RAB31: variants seen among roughly 807,000 people sequenced by gnomAD.
RAB31 encodes the protein ras-related protein Rab-31.
RAB31 carries 21 observed loss-of-function variants against 25.6 expected under a neutral mutation model. That is an observed-to-expected ratio of 0.82 (90% CI 0.58 to 1.18). RAB31 has a LOEUF of 1.18. Ranked by LOEUF, RAB31 falls within the 50% of genes most tolerant of loss-of-function variation. RAB31 has a pLI of 0.00. For missense variants in RAB31, 196 were observed against 250.1 expected (o/e 0.78, Z 1.46); for synonymous variants, 87 against 84.0 (o/e 1.04, Z -0.20).
intron 3 of RAB31, among the ~76,000 whole-genome samples, chr18:9,808,810 T>G (rs139637091): frequency 4.3e-4 from 66 of 152,332 alleles, no homozygotes; most frequent in African/African-American, 1.6e-3. Context: ...TGCCAGAGCA[T>G]TCTGGCTTGG....
chr18:9,755,715 G>A (rs992992907), intron 1 of RAB31, among the ~76,000 whole-genome samples: 1 of 152,222 alleles, frequency 6.6e-6, no homozygotes, highest in Non-Finnish European at 1.5e-5. Context: ...CCACATGTGA[G>A]GCTGTCTCTG....
chr18:9,753,846 G>A (rs1362233617), intron 1 of RAB31, among the ~76,000 whole-genome samples: 1 of 152,220 alleles, frequency 6.6e-6, no homozygotes, highest in Non-Finnish European at 1.5e-5. Flanking sequence ...AACCATGAAC[G>A]TGTTTGTGCT....
intron 5 of RAB31, among the ~76,000 whole-genome samples, chr18:9,824,347 T>C (rs2068639037): frequency 6.6e-6 from 1 of 151,374 alleles, no homozygotes; most frequent in Non-Finnish European, 1.5e-5. Context: ...AATGTGTGTG[T>C]AGATGTGTGT....
chr18:9,767,499 C>T (rs970084172), intron 1 of RAB31, among the ~76,000 whole-genome samples: 2 of 152,268 alleles, frequency 1.3e-5, no homozygotes, highest in African/African-American at 2.4e-5. Flanking sequence ...TGGTGGATGT[C>T]GTGAAGAGAG....
At chr18:9,741,284 G>A (rs1345658114) in intron 1 of RAB31, among the ~76,000 whole-genome samples, 2 of 147,886 alleles carry the variant, frequency 1.4e-5, no homozygotes, top group Admixed American at 6.9e-5. Context: ...GCTGAGGCAG[G>A]AGAATTGCTT....
Position 9,859,313 on chromosome 18 carries a change from C to A in RAB31, c.576C>A (p.Arg192=), listed in dbSNP as rs2068835434. ...AGAAGCCAACCATGCAAGCCAGCCG[C>A]CGGTGCTGTTGACCCAAGGGCCGTG... ...KVEKPTMQAS[R]RCC The change falls in exon 7 of 7, where the codon CGC becomes CGA. Residue 192 remains arginine, a synonymous_variant. Coordinates refer to ENST00000578921, the MANE Select transcript of RAB31 (RefSeq NM_006868.4). 2 of 1,612,676 alleles carry A rather than the reference C, an allele frequency of 1.2e-6. No individual in the cohort carries two copies. The highest frequency in any genetic ancestry group is 1.7e-6 in the Non-Finnish European group (2 of 1,178,742).
chr18:9,748,950 G>C (rs761363563), intron 1 of RAB31, among the ~76,000 whole-genome samples: 14 of 152,180 alleles, frequency 9.2e-5, no homozygotes, highest in Non-Finnish European at 1.9e-4. Flanking sequence ...GATTCAAATA[G>C]TATAGAAAGG....
intron 1 of RAB31, among the ~76,000 whole-genome samples, chr18:9,755,604 G>A (rs2068256779): frequency 6.6e-6 from 1 of 152,210 alleles, no homozygotes; most frequent in South Asian, 2.1e-4. Context: ...GCTCTTCTTG[G>A]GCTGGGGAAC....
At chr18:9,709,553 G>A (rs1465542635) in intron 1 of RAB31, among the ~76,000 whole-genome samples, 2 of 152,244 alleles carry the variant, frequency 1.3e-5, no homozygotes, top group Non-Finnish European at 2.9e-5. Context: ...AGCGTCTCTA[G>A]GCTTCCTCTA....
chr18:9,789,673 G>T (rs2068450416), intron 2 of RAB31, among the ~76,000 whole-genome samples: 1 of 152,114 alleles, frequency 6.6e-6, no homozygotes, highest in Non-Finnish European at 1.5e-5. Flanking sequence ...CTGGTTTTTT[G>T]AATTTTTTTT....
chr18:9,747,382 C>T (rs914086675), intron 1 of RAB31, among the ~76,000 whole-genome samples: 2 of 152,170 alleles, frequency 1.3e-5, no homozygotes, highest in Non-Finnish European at 2.9e-5. Flanking sequence ...AATTCTACTC[C>T]TAGGTATATG....
intron 3 of RAB31, among the ~76,000 whole-genome samples, chr18:9,807,846 C>G (rs1452780989): frequency 6.6e-6 from 1 of 152,036 alleles, no homozygotes; most frequent in East Asian, 1.9e-4. Context: ...GATATGGTGG[C>G]ACACACCTGT....
intron 6 of RAB31, among the ~76,000 whole-genome samples, chr18:9,855,034 C>T (rs775620217): frequency 3.2e-4 from 49 of 152,208 alleles, no homozygotes; most frequent in Non-Finnish European, 2.2e-4. Flanking sequence ...GGAGAATCAG[C>T]GCTTGCGCAG....
chr18:9,801,483 A>G (rs2068513654), intron 3 of RAB31, among the ~76,000 whole-genome samples: 1 of 151,970 alleles, frequency 6.6e-6, no homozygotes, highest in Non-Finnish European at 1.5e-5. Context: ...GGGTTTTACC[A>G]TGTTGGCCAG....
chr18:9,847,886 T>A (rs1339099070), intron 6 of RAB31, among the ~76,000 whole-genome samples: 2 of 152,072 alleles, frequency 1.3e-5, no homozygotes, highest in Admixed American at 6.6e-5. Flanking sequence ...TAGTAATAAC[T>A]TAAAAGACAT....
intron 1 of RAB31, among the ~76,000 whole-genome samples, chr18:9,747,950 TC>T (rs1301453939): frequency 2.0e-5 from 3 of 152,124 alleles, no homozygotes; most frequent in African/African-American, 7.2e-5. Flanking sequence ...TTAAATATTC[TC>T]CCCCTGAAAA....
chr18:9,826,504 C>CCCAAA (rs2068650630), intron 5 of RAB31, among the ~76,000 whole-genome samples: 1 of 51,690 alleles, frequency 1.9e-5, no homozygotes, highest in African/African-American at 7.9e-5. Context: ...GCCTCTCTGC[C>CCCAAA]CCCTTTCACA....
At chr18:9,759,224 C>G (rs1360868519) in intron 1 of RAB31, among the ~76,000 whole-genome samples, 1 of 152,086 alleles carries the variant, frequency 6.6e-6, no homozygotes, top group Admixed American at 6.6e-5. Flanking sequence ...AGGTCTTGCT[C>G]TGTCACTAAG....
At chr18:9,736,378 C>G (rs945814414) in intron 1 of RAB31, among the ~76,000 whole-genome samples, 1 of 152,164 alleles carries the variant, frequency 6.6e-6, no homozygotes, top group African/African-American at 2.4e-5. Context: ...CCTGTCCAGA[C>G]CTTTGAGGAC....
Sources: gnomAD v4.1 joint callset for allele counts (sites outside exome capture counted in the v4.1 genomes callset) on GRCh38, gnomAD v4.1.1 for gene constraint, MANE v1.5 for transcripts, NCBI Gene and HGNC (gene_info 2026-07-23, HGNC 2026-07-21) for gene names.